Variants in RPS6KC1 observed in about 807,000 individuals in gnomAD.
RPS6KC1 encodes the protein ribosomal protein S6 kinase C1.
Under a neutral mutation model 103.8 loss-of-function variants are expected in RPS6KC1, and 54 were observed. The ratio of observed to expected loss-of-function variants is 0.52; its 90% CI spans 0.42 to 0.65. The LOEUF (loss-of-function observed/expected upper bound fraction) is 0.65. Ranked by LOEUF, RPS6KC1 falls within the 30% of genes least tolerant of loss-of-function variation. RPS6KC1 has a pLI of 0.00. For missense variants in RPS6KC1, 1,151 were observed against 1,253.8 expected, an observed-to-expected ratio of 0.92 and a Z score of 1.24; for synonymous variants, 439 against 438.7, an observed-to-expected ratio of 1.00 and a Z score of -0.01.
the RPS6KC1 span, among the ~76,000 whole-genome samples, chr1:213,688,172 C>A: frequency 1.3e-5 from 2 of 152,066 alleles, no homozygotes; most frequent in Non-Finnish European, 2.9e-5. Context: ...CTGTGGAATG[C>A]GGAGACCTTG....
the RPS6KC1 span, among the ~76,000 whole-genome samples, chr1:213,793,464 T>C: frequency 6.6e-6 from 1 of 152,288 alleles, no homozygotes; most frequent in South Asian, 2.1e-4. Flanking sequence ...GCCCCCTTAA[T>C]GAAGCAAGCC....
intron 8 of RPS6KC1, among the ~76,000 whole-genome samples, chr1:213,223,075 G>T (rs938532176): frequency 5.3e-5 from 8 of 151,488 alleles, no homozygotes; most frequent in Admixed American, 5.3e-4. Flanking sequence ...TCTTTCTGTT[G>T]TCATTATTTA....
intron 8 of RPS6KC1, among the ~76,000 whole-genome samples, chr1:213,186,635 T>C (rs560841434): frequency 1.3e-5 from 2 of 152,366 alleles, no homozygotes; most frequent in Non-Finnish European, 2.9e-5. Flanking sequence ...GAAAAATTTC[T>C]GTTATTTCTT....
the RPS6KC1 span, among the ~76,000 whole-genome samples, chr1:213,755,325 A>C: frequency 6.6e-6 from 1 of 152,198 alleles, no homozygotes; most frequent in Non-Finnish European, 1.5e-5. Flanking sequence ...GCTTCCCAGA[A>C]CTCCTAAGTA....
chr1:213,381,961 C>A, the RPS6KC1 span, among the ~76,000 whole-genome samples: 1 of 152,158 alleles, frequency 6.6e-6, no homozygotes, highest in Non-Finnish European at 1.5e-5. Context: ...ACTGGTTTTG[C>A]ATCAGTCAGC....
chr1:213,188,186 A>G (rs1238891156), intron 8 of RPS6KC1, among the ~76,000 whole-genome samples: 1 of 152,116 alleles, frequency 6.6e-6, no homozygotes, highest in Non-Finnish European at 1.5e-5. Context: ...CCCTTTAGGC[A>G]GTCACGATGC....
At chr1:213,695,452 A>G in the RPS6KC1 span, among the ~76,000 whole-genome samples, 5 of 152,244 alleles carry the variant, frequency 3.3e-5, no homozygotes, top group African/African-American at 9.6e-5. Flanking sequence ...AAAACTGGAC[A>G]CTGGGACAGT....
At chr1:213,352,957 C>G in the RPS6KC1 span, among the ~76,000 whole-genome samples, 1 of 152,202 alleles carries the variant, frequency 6.6e-6, no homozygotes, top group Non-Finnish European at 1.5e-5. Flanking sequence ...GCTGAGCACC[C>G]TTCAAGACCC....
intron 13 of RPS6KC1, 21 bp downstream of exon 13, chr1:213,261,661 T>C: frequency 6.3e-7 from 1 of 1,596,220 alleles, no homozygotes; most frequent in Non-Finnish European, 8.6e-7. Context: ...GCCTGGACGT[T>C]TAATAAATTT....
chr1:213,153,023 C>A (rs1023428096), intron 6 of RPS6KC1, among the ~76,000 whole-genome samples: 12 of 146,354 alleles, frequency 8.2e-5, no homozygotes, highest in Non-Finnish European at 1.6e-4. Context: ...GGATCACGTG[C>A]GGTTAGGGGC....
chr1:213,701,212 G>C, the RPS6KC1 span, among the ~76,000 whole-genome samples: 1 of 149,376 alleles, frequency 6.7e-6, no homozygotes, highest in Non-Finnish European at 1.5e-5. Context: ...TTATTATATT[G>C]AGTTATGTTC....
chr1:213,092,770 C>T (rs977985898), intron 3 of RPS6KC1, among the ~76,000 whole-genome samples: 25 of 152,052 alleles, frequency 1.6e-4, no homozygotes, highest in African/African-American at 6.0e-4. Context: ...TAGTAAGATC[C>T]TGTGTATGTG....
chr1:213,571,153 C>A, the RPS6KC1 span, among the ~76,000 whole-genome samples: 3 of 152,074 alleles, frequency 2.0e-5, 1 homozygote. Flanking sequence ...ATAGAAATAC[C>A]TTTTTCTTCC....
intron 12 of RPS6KC1, among the ~76,000 whole-genome samples, chr1:213,257,708 A>C (rs2094681741): frequency 6.6e-6 from 1 of 151,678 alleles, no homozygotes. Context: ...TATAAATGGA[A>C]AGTAAAGCTG....
At chr1:213,713,809 C>T in the RPS6KC1 span, among the ~76,000 whole-genome samples, 1 of 152,224 alleles carries the variant, frequency 6.6e-6, no homozygotes. Flanking sequence ...TACCTTAGAA[C>T]CCTTACTAAT....
the RPS6KC1 span, among the ~76,000 whole-genome samples, chr1:213,566,484 T>TTTTTTTTTTTTTTTTTTTTTTTTTTTTG: frequency 9.1e-6 from 1 of 109,692 alleles, no homozygotes; most frequent in Non-Finnish European, 1.9e-5. Context: ...TTTTTTTTTT[T>TTTTTTTTTTTTTTTTTTTTTTTTTTTTG]TTTTTTTGGA....
the RPS6KC1 span, among the ~76,000 whole-genome samples, chr1:213,778,526 A>G: frequency 3.3e-5 from 5 of 151,948 alleles, no homozygotes; most frequent in South Asian, 1.0e-3. Context: ...TTTGTTTTTA[A>G]TTTACGTGAC....
chr1:213,547,746 C>T, the RPS6KC1 span, among the ~76,000 whole-genome samples: 1 of 152,204 alleles, frequency 6.6e-6, no homozygotes, highest in Non-Finnish European at 1.5e-5. Flanking sequence ...CGTCCTTCCT[C>T]TTGCCATGTG....
the RPS6KC1 span, among the ~76,000 whole-genome samples, chr1:213,640,426 A>G: frequency 1.4e-5 from 2 of 146,788 alleles, no homozygotes; most frequent in African/African-American, 5.0e-5. Context: ...TACCTTTGTT[A>G]TTTACTTTCT....
Sources: gnomAD v4.1 joint callset for allele counts (sites outside exome capture counted in the v4.1 genomes callset) on GRCh38, gnomAD v4.1.1 for gene constraint, MANE v1.5 for transcripts, NCBI Gene and HGNC (gene_info 2026-07-23, HGNC 2026-07-21) for gene names.